Variants in TMEM87B observed in about 807,000 individuals in gnomAD.
TMEM87B encodes the protein transmembrane protein 87B.
TMEM87B carries 83 observed loss-of-function variants against 80.3 expected under a neutral mutation model. That is an observed-to-expected ratio of 1.03 (90% CI 0.87 to 1.24). The LOEUF is 1.24. Among genes scored for constraint, TMEM87B ranks in the 50% most tolerant of loss-of-function variants. The probability of loss-of-function intolerance (pLI) is 0.00; values close to 1 mark genes in which losing one functional copy is unlikely to be tolerated. For missense variants in TMEM87B, 625 were observed against 674.4 expected, an observed-to-expected ratio of 0.93 and a Z score of 0.81; for synonymous variants, 219 against 230.5, an observed-to-expected ratio of 0.95 and a Z score of 0.45.
At chr2:112,073,198 G>A (rs527817917) in intron 4 of TMEM87B, among the ~76,000 whole-genome samples, 8 of 152,140 alleles carry the variant, frequency 5.3e-5, no homozygotes, top group South Asian at 2.1e-4. Flanking sequence ...GTGAGCTACC[G>A]CACCCAGCCA....
intron 15 of TMEM87B, among the ~76,000 whole-genome samples, chr2:112,104,482 C>T (rs1679712575): frequency 6.6e-6 from 1 of 152,160 alleles, no homozygotes; most frequent in African/African-American, 2.4e-5. Flanking sequence ...TATAATCAGT[C>T]ATCAGGGAAA....
chr2:112,107,758 A>AT (rs1399193226), intron 16 of TMEM87B, 30 bp from the exon 17 acceptor site: 13 of 1,434,954 alleles, frequency 9.1e-6, no homozygotes, highest in Middle Eastern at 3.7e-4. Context: ...GGTGATATTA[A>AT]GCAAATGCTA....
At chr2:112,061,518 G>A (rs927016748) in intron 2 of TMEM87B, among the ~76,000 whole-genome samples, 1 of 152,180 alleles carries the variant, frequency 6.6e-6, no homozygotes, top group African/African-American at 2.4e-5. Context: ...GTTGTGATAA[G>A]AGCTTGGTAA....
chr2:112,098,978 A>C (rs1679551651), intron 14 of TMEM87B, among the ~76,000 whole-genome samples: 1 of 152,200 alleles, frequency 6.6e-6, no homozygotes, highest in Non-Finnish European at 1.5e-5. Flanking sequence ...ACTGGGAAAG[A>C]GTGTCCATTT....
At chr2:112,104,551 A>G (rs1679714162) in intron 15 of TMEM87B, among the ~76,000 whole-genome samples, 1 of 152,200 alleles carries the variant, frequency 6.6e-6, no homozygotes, top group African/African-American at 2.4e-5. Flanking sequence ...TTAAAATTAA[A>G]AAGTCTGATA....
chr2:112,066,782 GA>G (rs1206355453), intron 3 of TMEM87B, among the ~76,000 whole-genome samples, 153 bp from the exon 4 acceptor site: 1 of 152,102 alleles, frequency 6.6e-6, no homozygotes, highest in African/African-American at 2.4e-5. Context: ...AATTATATTC[GA>G]AACAGTTTTT....
chr2:112,056,533 G>A (rs1678069352), intron 1 of TMEM87B, among the ~76,000 whole-genome samples: 1 of 152,210 alleles, frequency 6.6e-6, no homozygotes, highest in African/African-American at 2.4e-5. Flanking sequence ...TTGCAAAAGA[G>A]AGACAGGAAG....
At chr2:112,077,728 T>C (rs1678867624) in intron 6 of TMEM87B, among the ~76,000 whole-genome samples, 1 of 152,254 alleles carries the variant, frequency 6.6e-6, no homozygotes, top group African/African-American at 2.4e-5. Flanking sequence ...AGAAGCAGCA[T>C]ATCTGCCAGC....
At chr2:112,069,331 T>C (rs1415925675) in intron 4 of TMEM87B, among the ~76,000 whole-genome samples, 1 of 152,112 alleles carries the variant, frequency 6.6e-6, no homozygotes, top group Non-Finnish European at 1.5e-5. Flanking sequence ...CCTTCACCCT[T>C]AAGTAGGCCC....
chr2:112,100,634 G>C lies in TMEM87B; in HGVS notation c.1389G>C (p.Met463Ile). ...GTTTTTGCTATAGATATGCCTTCAT[G>C]CCCTTAATAGATGATTCTGATGATG... ...PSANNQRYAF[M>I]PLIDDSDDEI... The change falls in exon 15 of 19, where the codon ATG becomes ATC. Residue 463 changes from methionine to isoleucine, a missense_variant. Coordinates refer to ENST00000283206, the MANE Select transcript of TMEM87B (RefSeq NM_032824.3). The C allele has an allele frequency of 2.5e-6, 4 of 1,609,140 alleles. No homozygotes were observed. The highest frequency in any genetic ancestry group is 3.4e-6 in the Non-Finnish European group (4 of 1,176,786).
intron 14 of TMEM87B, among the ~76,000 whole-genome samples, chr2:112,099,750 G>A (rs1023171325): frequency 1.3e-5 from 2 of 150,750 alleles, no homozygotes; most frequent in Non-Finnish European, 3.0e-5. Flanking sequence ...GGTGGTATGT[G>A]CCTGTACTCC....
chr2:112,116,297 A>G lies in TMEM87B; in HGVS notation c.*154A>G. ...AAGAATTCAGATGGTAGGAGGTTCT[A>G]TAGTCCTTTTAAAGCTGACTCTTGA... On this transcript the variant is annotated 3_prime_UTR_variant, in exon 19 of 19. Coordinates refer to ENST00000283206, the MANE Select transcript of TMEM87B (RefSeq NM_032824.3). 4 of 623,122 alleles carry G rather than the reference A, an allele frequency of 6.4e-6. No individual in the cohort carries two copies. Among genetic ancestry groups the G allele is most frequent in the Non-Finnish European group, 1.1e-5 (4 of 367,614 alleles). The allele number at this position is 623,122 out of a possible 1,614,324, so 38.6% of individuals were successfully genotyped here. A position where few individuals can be genotyped will look rare whatever the true frequency, so the allele number is the denominator to read the frequency against.
chr2:112,075,651 A>G (rs1167428656), intron 5 of TMEM87B, among the ~76,000 whole-genome samples: 1 of 152,208 alleles, frequency 6.6e-6, no homozygotes, highest in Non-Finnish European at 1.5e-5. Context: ...GGAATTACTA[A>G]AAGTTAGAAG....
chr2:112,089,373 G>A (rs1430733758), intron 9 of TMEM87B, among the ~76,000 whole-genome samples: 1 of 152,206 alleles, frequency 6.6e-6, no homozygotes, highest in Non-Finnish European at 1.5e-5. Context: ...AATTTCAGCA[G>A]CAAAATCCTC....
At chr2:112,075,949 A>G (rs1573696114) in intron 5 of TMEM87B, among the ~76,000 whole-genome samples, 1 of 152,378 alleles carries the variant, frequency 6.6e-6, no homozygotes, top group East Asian at 1.9e-4. Context: ...AGAATTTACA[A>G]GCATTACAGT....
rs748588793 is a variant in TMEM87B at position 112,081,531 on chromosome 2, T to C, written c.838+13T>C. 31 of 1,595,740 alleles carry C rather than the reference T, an allele frequency of 1.9e-5. No individual in the cohort carries two copies. In the South Asian group the frequency reaches 3.4e-4, roughly 18 times the overall value. On this transcript the variant is annotated intron_variant, in intron 8 of 18. Coordinates refer to ENST00000283206, the MANE Select transcript of TMEM87B (RefSeq NM_032824.3). ...ACTGGACTGTCAAGTAAGTTTTGACTGTCTCTGTAAATATAGTATGATCTA... is the reference window on the plus strand; with the variant it reads ...ACTGGACTGTCAAGTAAGTTTTGACCGTCTCTGTAAATATAGTATGATCTA...
Position 112,089,671 on chromosome 2 carries a change from C to G in TMEM87B, c.985C>G (p.Leu329Val), listed in dbSNP as rs2104485268. The part of the protein sequence containing the change: ...VMHRVIGLGL[L>V]YLIFAAVEGV... ...GCACCGGGTGATCGGACTGGGGCTT[C>G]TATACTTAATCTTTGCAGCTGTTGA... The change falls in exon 10 of 19, where the codon CTA (leucine) becomes GTA (valine). Residue 329 changes from leucine to valine, a missense_variant. By Grantham distance (32) the Leu-to-Val change is conservative. Transcript: ENST00000283206. 6.2e-7 allele frequency: 1 copy of G among 1,614,128 alleles called. No individual in the cohort carries two copies. Among genetic ancestry groups the G allele is most frequent in the South Asian group, 1.1e-5 (1 of 91,082 alleles).
At chr2:112,056,914 C>T (rs947525055) in intron 1 of TMEM87B, among the ~76,000 whole-genome samples, 17 of 152,188 alleles carry the variant, frequency 1.1e-4, no homozygotes, top group Non-Finnish European at 2.1e-4. Context: ...CTCATGGCTT[C>T]CTGCTGCTAC....
rs778832912 is a variant in TMEM87B, at chr2:112,081,368, T to C, written c.688T>C (p.Tyr230His). The C allele has an allele frequency of 1.2e-6, 2 of 1,612,342 alleles. No homozygotes were observed. Among genetic ancestry groups the C allele is most frequent in the Non-Finnish European group, 1.7e-6 (2 of 1,179,556 alleles). Residue 230 changes from tyrosine (Y) to histidine (H), a missense_variant, in exon 8 of 19, where the codon TAT (tyrosine) becomes CAT (histidine). Transcript: ENST00000283206. Reference protein sequence around the residue: ...YMVMCIVYILYGILWLTWSAC... With the variant: ...YMVMCIVYILHGILWLTWSAC... ...GGTGATGTGTATTGTTTATATATTA[T>C]ATGGCATACTCTGGCTGACGTGGTC...
Sources: allele counts gnomAD v4.1 joint callset (sites outside exome capture counted in the v4.1 genomes callset), GRCh38; gene constraint gnomAD v4.1.1; transcripts MANE v1.5; gene names NCBI Gene and HGNC (gene_info 2026-07-23, HGNC 2026-07-21).